Variants in RAP1GAP2 observed in about 807,000 individuals in gnomAD.
RAP1GAP2 encodes RAP1 GTPase activating protein 2, also known as rap1 GTPase-activating protein 2.
A neutral mutation model predicts 95.0 loss-of-function variants in RAP1GAP2; 27 were observed. The ratio of observed to expected loss-of-function variants is 0.28; its 90% CI spans 0.21 to 0.39. RAP1GAP2 has a LOEUF of 0.39. RAP1GAP2 is among the 10% of genes least tolerant of loss of function. The pLI is 1.00. For synonymous variants in RAP1GAP2, 373 were observed against 380.9 expected (o/e 0.98, Z 0.24); for missense variants, 771 against 970.0 (o/e 0.79, Z 2.72).
chr17:2,963,174 A>G lies in RAP1GAP2; in HGVS notation c.247-256A>G. 1.8e-6 allele frequency: 1 copy of G among 569,076 alleles called. No individual in the cohort carries two copies. Among genetic ancestry groups the G allele is most frequent in the Non-Finnish European group, 3.1e-6 (1 of 320,326 alleles). The allele number at this position is 569,076 out of a possible 1,614,324, so 35.3% of individuals were successfully genotyped here. On this transcript the variant is annotated intron_variant, in intron 5 of 24. Coordinates refer to ENST00000254695, the MANE Select transcript of RAP1GAP2 (RefSeq NM_015085.5). The surrounding 1 kb of genome is among the most constrained non-coding windows in gnomAD (Gnocchi z 4.8). ...GAGCGTTCTAGGATGAGAAGCTGGT[A>G]TCACGAGGGGTGAGAAGTTCAGCAC...
intron 3 of RAP1GAP2, among the ~76,000 whole-genome samples, chr17:2,949,858 G>T (rs899995175): frequency 1.1e-4 from 17 of 152,166 alleles, no homozygotes; most frequent in Non-Finnish European, 8.8e-5. Flanking sequence ...GCAGCAAGTC[G>T]CTGAGAAGTG....
At chr17:2,889,889 A>ATATATATATATATAT (rs1408426152) in intron 2 of RAP1GAP2, among the ~76,000 whole-genome samples, 17 of 57,312 alleles carry the variant, frequency 3.0e-4, no homozygotes, top group Non-Finnish European at 4.6e-4. Context: ...ATATATATAT[A>ATATATATATATATAT]TTTTTTTTTT....
At chr17:2,883,032 C>T (rs1196958097) in intron 2 of RAP1GAP2, among the ~76,000 whole-genome samples, 1 of 152,188 alleles carries the variant, frequency 6.6e-6, no homozygotes, top group East Asian at 1.9e-4. Flanking sequence ...TTGGGCAGCC[C>T]CTCTTCTGAG....
intron 2 of RAP1GAP2, among the ~76,000 whole-genome samples, chr17:2,856,559 T>A (rs2072145881): frequency 1.3e-5 from 2 of 152,114 alleles, no homozygotes; most frequent in South Asian, 4.1e-4. Flanking sequence ...GCCCCACCAG[T>A]AGCAGTCAAG....
intron 8 of RAP1GAP2, among the ~76,000 whole-genome samples, chr17:2,966,750 A>G (rs937219826): frequency 1.3e-5 from 2 of 152,216 alleles, no homozygotes; most frequent in African/African-American, 4.8e-5. Flanking sequence ...TGAGAGGTTA[A>G]TACCTGGATC....
intron 2 of RAP1GAP2, among the ~76,000 whole-genome samples, chr17:2,890,029 G>A (rs1208383144): frequency 6.6e-6 from 1 of 150,996 alleles, no homozygotes; most frequent in Non-Finnish European, 1.5e-5. Flanking sequence ...GGCCTGCGCT[G>A]TGTTCTGTAG....
chr17:2,787,277 T>C (rs561797868), intron 1 of RAP1GAP2, among the ~76,000 whole-genome samples: 5 of 151,514 alleles, frequency 3.3e-5, no homozygotes, highest in African/African-American at 1.2e-4. Context: ...TTTCTTTTTT[T>C]TTTTCGAGAC....
chr17:2,796,431 CA>C, upstream of RAP1GAP2: 1 of 1,393,034 alleles, frequency 7.2e-7, no homozygotes, highest in Non-Finnish European at 9.9e-7. The surrounding 1 kb of genome is among the most constrained non-coding windows in gnomAD (Gnocchi z 4.7). Context: ...CCCCGCCCTG[CA>C]CCGGCACTGA....
chr17:2,862,332 T>TTCTAAATATATATATTGCAGTTTTA (rs1194556961), intron 2 of RAP1GAP2, among the ~76,000 whole-genome samples: 12 of 152,206 alleles, frequency 7.9e-5, no homozygotes, highest in African/African-American at 2.9e-4. Flanking sequence ...ATATATATTT[T>TTCTAAATATATATATTGCAGTTTTA]TCTAAATGCA....
intron 8 of RAP1GAP2, among the ~76,000 whole-genome samples, chr17:2,973,238 G>C (rs551039707): frequency 2.8e-4 from 43 of 152,234 alleles, no homozygotes; most frequent in African/African-American, 9.9e-4. Context: ...CTCTGGCGCC[G>C]GGCGTGGTGG....
chr17:2,838,583 C>T (rs1274927289), intron 2 of RAP1GAP2, among the ~76,000 whole-genome samples: 4 of 152,096 alleles, frequency 2.6e-5, no homozygotes, highest in African/African-American at 9.7e-5. Flanking sequence ...TAGCATGGGG[C>T]AGAACACTGT....
chr17:2,781,071 C>T (rs1263321674), intron 1 of RAP1GAP2, among the ~76,000 whole-genome samples: 1 of 152,222 alleles, frequency 6.6e-6, no homozygotes. Context: ...AGGTGTGATG[C>T]CAACGATACA....
chr17:2,769,922 A>G (rs1267633642), intron 1 of RAP1GAP2, among the ~76,000 whole-genome samples: 5 of 151,694 alleles, frequency 3.3e-5, no homozygotes, highest in African/African-American at 1.2e-4. Context: ...AAAATACAAA[A>G]ATTAGCGAGG....
At chr17:2,770,591 GAATTTATCA>G (rs2068371486) in intron 2 of RAP1GAP2, 1 of 396,798 alleles carries the variant, frequency 2.5e-6, no homozygotes, top group East Asian at 3.6e-5. Context: ...TTCTAGGAAA[GAATTTATCA>G]GCCTGGATGC....
At chr17:2,971,751 A>C (rs751039199) in intron 8 of RAP1GAP2, among the ~76,000 whole-genome samples, 9 of 152,202 alleles carry the variant, frequency 5.9e-5, no homozygotes, top group Non-Finnish European at 1.0e-4. Context: ...TACATGCTGC[A>C]GCTGCTCAGT....
chr17:2,853,916 A>T, intron 2 of RAP1GAP2: 1 of 977,054 alleles, frequency 1.0e-6, no homozygotes, highest in East Asian at 1.2e-4. Flanking sequence ...GCGCGGGCTC[A>T]GGGGCCGGGT....
intron 14 of RAP1GAP2, among the ~76,000 whole-genome samples, chr17:3,001,480 G>A (rs2046156465): frequency 1.2e-5 from 1 of 84,416 alleles, no homozygotes; most frequent in Non-Finnish European, 2.4e-5. Context: ...AGTGAGGCTC[G>A]TGGAGGTAAC....
At chr17:2,770,092 A>AAG (rs1231890223) in intron 1 of RAP1GAP2, among the ~76,000 whole-genome samples, 2 of 150,364 alleles carry the variant, frequency 1.3e-5, no homozygotes, top group Non-Finnish European at 2.9e-5. Flanking sequence ...AAAAAAAAAA[A>AAG]AAGAAGAAGA....
rs552921465 is a variant in RAP1GAP2, at chr17:2,866,241, C to A, written c.81-39043C>A. ...GGGCCAAGATAAAAAAACAGGGGCC[C>A]GCTCAGATCCCACCTTGGCTGTGGT... On this transcript the variant is annotated intron_variant, in intron 2 of 24. Transcript: ENST00000254695. The surrounding 1 kb of genome is among the most constrained non-coding windows in gnomAD (Gnocchi z 4.0). 6.6e-6 allele frequency among the ~76,000 whole-genome samples: 1 copy of A among 152,230 alleles called. No homozygotes were observed. Among genetic ancestry groups the A allele is most frequent in the East Asian group, 1.9e-4 (1 of 5,200 alleles).
Sources: allele counts gnomAD v4.1 joint callset (sites outside exome capture counted in the v4.1 genomes callset), GRCh38; gene constraint gnomAD v4.1.1; non-coding constraint Gnocchi (gnomAD v3.1); transcripts MANE v1.5; gene names NCBI Gene and HGNC (gene_info 2026-07-23, HGNC 2026-07-21).